Variants in RBFOX2 observed in about 807,000 individuals in gnomAD.
RBFOX2 encodes RNA binding protein fox-1 homolog 2.
In RBFOX2, 10 loss-of-function variants were observed where a neutral mutation model predicts 49.1. That is an observed-to-expected ratio of 0.20 (90% CI 0.13 to 0.35). The LOEUF (loss-of-function observed/expected upper bound fraction) is 0.35. Ranked by LOEUF, RBFOX2 falls within the 10% of genes least tolerant of loss-of-function variation. RBFOX2 has a pLI of 1.00. For missense variants in RBFOX2, 323 were observed against 486.9 expected (o/e 0.66, Z 3.17); for synonymous variants, 183 against 187.4 (o/e 0.98, Z 0.19).
At chr22:35,738,985 A>G (rs1292561105) in exon 12 of RBFOX2, 1 of 152,652 alleles carries the variant, frequency 6.6e-6, no homozygotes, top group Non-Finnish European at 1.5e-5. Context: ...CTACTATACA[A>G]TATGATTCTT....
chr22:35,971,983 CTCATCCCTTCCTTCCAGA>C (rs2056904230), intron 1 of RBFOX2, among the ~76,000 whole-genome samples: 1 of 148,584 alleles, frequency 6.7e-6, no homozygotes, highest in Admixed American at 6.7e-5. Flanking sequence ...CTGCAACCTT[CTCATCCCTTCCTTCCAGA>C]TCATCCCTTC....
At chr22:35,826,839 A>G (rs368407632) in intron 1 of RBFOX2, among the ~76,000 whole-genome samples, 1 of 152,222 alleles carries the variant, frequency 6.6e-6, no homozygotes, top group East Asian at 1.9e-4. Flanking sequence ...CAGAACAATT[A>G]TAACAATATA....
intron 1 of RBFOX2, among the ~76,000 whole-genome samples, chr22:35,854,212 CTAATAA>C (rs145238669): frequency 2.6e-5 from 4 of 150,984 alleles, no homozygotes; most frequent in Middle Eastern, 3.4e-3. Flanking sequence ...AACTCTGTCT[CTAATAA>C]TAATAATAAT....
At chr22:35,796,525 C>T (rs1948813329) in intron 2 of RBFOX2, among the ~76,000 whole-genome samples, 1 of 152,142 alleles carries the variant, frequency 6.6e-6, no homozygotes, top group Admixed American at 6.5e-5. Context: ...ATAGCCTTCT[C>T]AGAAAACTGT....
At chr22:35,875,391 A>AG (rs988021408) in intron 1 of RBFOX2, among the ~76,000 whole-genome samples, 3 of 152,026 alleles carry the variant, frequency 2.0e-5, no homozygotes, top group Non-Finnish European at 4.4e-5. Flanking sequence ...GAGAATGAAA[A>AG]GGGGGGCCAC....
chr22:35,752,629 C>T, intron 9 of RBFOX2: 1 of 984,306 alleles, frequency 1.0e-6, no homozygotes, highest in Non-Finnish European at 1.2e-6. Flanking sequence ...TATTTTAGCG[C>T]TAATGATTGG....
upstream of RBFOX2, among the ~76,000 whole-genome samples, chr22:35,964,895 C>T (rs1433029162): frequency 6.6e-6 from 1 of 152,202 alleles, no homozygotes; most frequent in Non-Finnish European, 1.5e-5. Flanking sequence ...AATGTATCTA[C>T]TGATGTCAAA....
At chr22:35,902,989 A>T (rs2048754340) in intron 1 of RBFOX2, among the ~76,000 whole-genome samples, 1 of 152,028 alleles carries the variant, frequency 6.6e-6, no homozygotes, top group Non-Finnish European at 1.5e-5. Flanking sequence ...TTTAAATGAG[A>T]AGCATTCAGA....
rs569174046 is a variant in RBFOX2, at chr22:35,827,863, G to A, written c.27+12329C>T. The stretch of plus-strand genomic sequence containing the variant: ...CACTCTTCTGCTTCCAATAAAGATG[G>A]AGTAACAAGAACCAGATTTAAGGCC... On this transcript the variant is annotated intron_variant, in intron 1 of 11. Coordinates refer to ENST00000405409, the Ensembl canonical transcript of RBFOX2. Among the ~76,000 whole-genome samples, 80 of 152,046 alleles carry A rather than the reference G, an allele frequency of 5.3e-4. 1 individual carries two copies. The highest frequency in any genetic ancestry group is 1.1e-3 in the Admixed American group (17 of 15,258).
chr22:35,898,318 G>A, intron 1 of RBFOX2: 1 of 724,068 alleles, frequency 1.4e-6, no homozygotes, highest in South Asian at 1.4e-5. Flanking sequence ...GGAGTGGGCT[G>A]TGACACACGG....
intron 1 of RBFOX2, among the ~76,000 whole-genome samples, chr22:35,815,237 GGTT>G (rs1363395986): frequency 6.6e-6 from 1 of 152,156 alleles, no homozygotes; most frequent in Non-Finnish European, 1.5e-5. Context: ...TTACCAGATG[GGTT>G]GTTTACTTCA....
At chr22:35,945,776 C>A (rs1012608246) in intron 1 of RBFOX2, among the ~76,000 whole-genome samples, 2 of 152,136 alleles carry the variant, frequency 1.3e-5, no homozygotes, top group African/African-American at 4.8e-5. Flanking sequence ...GGGCGTCATT[C>A]TGCTTCCAAA....
chr22:35,858,245 A>G (rs2042719729), intron 1 of RBFOX2, among the ~76,000 whole-genome samples: 2 of 152,204 alleles, frequency 1.3e-5, no homozygotes, highest in African/African-American at 4.8e-5. Flanking sequence ...AACTACCCAC[A>G]GTTGCCTCTA....
intron 1 of RBFOX2, among the ~76,000 whole-genome samples, chr22:35,923,945 C>CAAA (rs11295577): frequency 7.5e-6 from 1 of 134,096 alleles, no homozygotes. Flanking sequence ...AAGTAAAATG[C>CAAA]AAAAAAAAAA....
intron 1 of RBFOX2, among the ~76,000 whole-genome samples, chr22:35,872,354 G>A (rs1056923785): frequency 2.6e-5 from 4 of 152,232 alleles, no homozygotes; most frequent in South Asian, 4.1e-4. Flanking sequence ...GTGTTATAGG[G>A]TGCTCTTTTA....
At chr22:35,932,409 AG>A (rs1395976375) in intron 1 of RBFOX2, among the ~76,000 whole-genome samples, 3 of 152,222 alleles carry the variant, frequency 2.0e-5, no homozygotes, top group Non-Finnish European at 4.4e-5. Flanking sequence ...ATTAAAAGTA[AG>A]GCTGCCACTC....
chr22:35,832,596 G>A (rs925237041), intron 1 of RBFOX2, among the ~76,000 whole-genome samples: 1 of 152,118 alleles, frequency 6.6e-6, no homozygotes, highest in Non-Finnish European at 1.5e-5. Context: ...ACTCTGGGAT[G>A]CAGAGGCAGG....
At chr22:35,792,563 T>A (rs1947967444) in intron 2 of RBFOX2, among the ~76,000 whole-genome samples, 1 of 152,156 alleles carries the variant, frequency 6.6e-6, no homozygotes. Context: ...CATAGCCTAC[T>A]AAGTATTTGA....
At chr22:35,821,652 ACT>A in intron 1 of RBFOX2, 1 of 452,862 alleles carries the variant, frequency 2.2e-6, no homozygotes, top group Non-Finnish European at 4.3e-6. Flanking sequence ...CCTATCCTTC[ACT>A]CTGTCAGTCC....
Sources: allele counts gnomAD v4.1 joint callset (sites outside exome capture counted in the v4.1 genomes callset), GRCh38; gene constraint gnomAD v4.1.1; transcripts MANE v1.5; gene names NCBI Gene and HGNC (gene_info 2026-07-23, HGNC 2026-07-21).